CCNG1: variants seen among roughly 807,000 people sequenced by gnomAD.
The protein encoded by CCNG1 is cyclin-G1.
Under a neutral mutation model 30.0 loss-of-function variants are expected in CCNG1, and 13 were observed. The ratio of observed to expected loss-of-function variants is 0.43; its 90% confidence interval spans 0.28 to 0.69. CCNG1 has a LOEUF of 0.69. Among genes scored for constraint, CCNG1 ranks in the 30% least tolerant of loss-of-function variants. CCNG1 has a pLI of 0.16. For synonymous variants in CCNG1, 110 were observed against 121.5 expected (o/e 0.91, Z 0.62); for missense variants, 285 against 331.4 (o/e 0.86, Z 1.09).
At chr5:163,440,622 T>C (rs1425473492) in intron 2 of CCNG1, among the ~76,000 whole-genome samples, 1 of 152,142 alleles carries the variant, frequency 6.6e-6, no homozygotes, top group East Asian at 1.9e-4. Flanking sequence ...AAACAGTATA[T>C]GCCATAGTAT....
At chr5:163,454,495 C>G in the CCNG1 span, among the ~76,000 whole-genome samples, 1 of 152,134 alleles carries the variant, frequency 6.6e-6, no homozygotes, top group Non-Finnish European at 1.5e-5. Flanking sequence ...GCATGTACCA[C>G]CATGCCTGGC....
intron 3 of CCNG1, 200 bp downstream of exon 3, chr5:163,441,531 A>G (rs1404261771): frequency 1.8e-6 from 1 of 561,096 alleles, no homozygotes; most frequent in East Asian, 3.0e-5. Context: ...TCTTGGGATT[A>G]AAGTACATTT....
chr5:163,439,609 C>CTT, intron 2 of CCNG1, 89 bp downstream of exon 2: 17 of 1,051,740 alleles, frequency 1.6e-5, no homozygotes, highest in Non-Finnish European at 2.2e-5. Flanking sequence ...TAAACTTGAC[C>CTT]TTTTTTTTTT....
chr5:163,453,921 G>A, the CCNG1 span: 2 of 1,047,330 alleles, frequency 1.9e-6, no homozygotes, highest in Admixed American at 4.9e-5. Flanking sequence ...ATCTGATTAA[G>A]TTGGCAATAT....
In CCNG1 at chr5:163,443,981, A is replaced by G; in HGVS notation, c.*311A>G. ...ATCTAACTTTAGATATTGGATCAATATATTTAGGTGGTATTGAAAATGCTA... is the reference window on the plus strand; with the variant it reads ...ATCTAACTTTAGATATTGGATCAATGTATTTAGGTGGTATTGAAAATGCTA... On this transcript the variant is annotated 3_prime_UTR_variant, in exon 7 of 7. Coordinates refer to ENST00000340828, the MANE Select transcript of CCNG1 (RefSeq NM_004060.4). The G allele has an allele frequency of 2.6e-6, 1 of 384,732 alleles. No individual in the cohort carries two copies. Among genetic ancestry groups the G allele is most frequent in the Non-Finnish European group, 4.7e-6 (1 of 214,466 alleles). The allele number at this position is 384,732 out of a possible 1,614,324, so 23.8% of individuals were successfully genotyped here. A position where few individuals can be genotyped will look rare whatever the true frequency, so the allele number is the denominator to read the frequency against.
chr5:163,439,554 C>T, intron 2 of CCNG1, 34 bp downstream of exon 2: 2 of 1,584,744 alleles, frequency 1.3e-6, no homozygotes, highest in Non-Finnish European at 1.7e-6. Flanking sequence ...TAATTTTGCT[C>T]AGTGTGTTTT....
downstream of CCNG1, chr5:163,446,612 CAATT>C (rs934898347): frequency 1.3e-5 from 2 of 152,184 alleles, no homozygotes; most frequent in African/African-American, 4.8e-5. Context: ...TAACAACACT[CAATT>C]TATTTCTCTA....
Position 163,442,464 on chromosome 5 carries a change from C to G in CCNG1, c.787C>G (p.Gln263Glu), listed in dbSNP as rs913073977. ...SSNKCSKPNV[Q>E]KLKWIVSGRT... ...AAATAAGTGTTCCAAACCAAATGTT[C>G]AGAAGTTGAAATGGATTGTTTCTGG... Residue 263 changes from glutamine (Q) to glutamate (E), a missense_variant, in exon 6 of 7, where the codon CAG becomes GAG. By Grantham distance (29) the Gln-to-Glu change is conservative. Coordinates refer to ENST00000340828, the MANE Select transcript of CCNG1 (RefSeq NM_004060.4). 6.8e-6 allele frequency: 11 copies of G among 1,613,778 alleles called. No individual in the cohort carries two copies. The Admixed American group carries it at 1.8e-4, about 27-fold the overall frequency.
downstream of CCNG1, chr5:163,449,351 C>T (rs922265336): frequency 4.6e-5 from 7 of 152,118 alleles, no homozygotes; most frequent in African/African-American, 7.2e-5. Context: ...TACATACTAG[C>T]GATGTGCAAT....
the CCNG1 span, chr5:163,456,794 A>G: frequency 1.4e-6 from 1 of 709,360 alleles, no homozygotes; most frequent in Non-Finnish European, 2.1e-6. Flanking sequence ...CCATTTTTCT[A>G]ACAATTCACT....
Position 163,440,369 on chromosome 5 carries a change from G to A in CCNG1, c.265-709G>A, listed in dbSNP as rs985198810. Reference sequence around the variant, plus strand: ...TTCAGTCTTATGTGAGAATAAGATCGTTGCTCTTATGTACAAGTCATAATA... The same window carrying A: ...TTCAGTCTTATGTGAGAATAAGATCATTGCTCTTATGTACAAGTCATAATA... On this transcript the variant is annotated intron_variant, in intron 2 of 6. Coordinates refer to ENST00000340828, the MANE Select transcript of CCNG1 (RefSeq NM_004060.4). 3.9e-5 allele frequency among the ~76,000 whole-genome samples: 6 copies of A among 152,094 alleles called. No individual in the cohort carries two copies. The East Asian group carries it at 5.8e-4, about 15-fold the overall frequency.
In CCNG1 at chr5:163,444,636, A is replaced by G. The variant is rs1757981200; in HGVS notation, c.*966A>G. On this transcript the variant is annotated 3_prime_UTR_variant, in exon 7 of 7. Coordinates refer to ENST00000340828, the MANE Select transcript of CCNG1 (RefSeq NM_004060.4). ...TTAAGAAAAGCAAGTAGACACCTTC[A>G]TAACTATGAATGAAGCTGCTGAAGT... is the stretch of plus-strand genomic sequence containing the variant. The G allele has an allele frequency of 6.6e-6, 1 of 152,662 alleles. No homozygotes were observed. The highest frequency in any genetic ancestry group is 1.5e-5 in the Non-Finnish European group (1 of 68,044). 9.5% of individuals were successfully genotyped at this position (152,662 alleles called of 1,614,324 possible). A position where few individuals can be genotyped will look rare whatever the true frequency, so the allele number is the denominator to read the frequency against.
Position 163,439,465 on chromosome 5 carries a change from C to T in CCNG1, c.209C>T (p.Thr70Ile). 2 of 1,613,730 alleles carry T rather than the reference C, an allele frequency of 1.2e-6. No homozygotes were observed. The highest frequency in any genetic ancestry group is 1.7e-6 in the Non-Finnish European group (2 of 1,179,620). The change falls in exon 2 of 7, where the codon ACA becomes ATA. Residue 70 changes from threonine to isoleucine, a missense_variant. Coordinates refer to ENST00000340828, the MANE Select transcript of CCNG1 (RefSeq NM_004060.4). ...CTAACTCAGTTCTTTGGCTTTGACA[C>T]AGAGACATTTTCTCTAGCTGTGAAT... ...LSLTQFFGFD[T>I]ETFSLAVNLL...
At chr5:163,454,349 TA>T in the CCNG1 span, among the ~76,000 whole-genome samples, 1 of 152,318 alleles carries the variant, frequency 6.6e-6, no homozygotes, top group South Asian at 2.1e-4. Context: ...TATTTATTAT[TA>T]TTTTTTTTGA....
chr5:163,439,179 G>A (rs550507893), intron 1 of CCNG1, 78 bp from the exon 2 acceptor site: 3 of 1,258,632 alleles, frequency 2.4e-6, no homozygotes, highest in Admixed American at 4.3e-5. Context: ...ATCATTTCTT[G>A]GCCCAGTGCA....
chr5:163,442,716 T>G (rs1216620774), intron 6 of CCNG1, 148 bp downstream of exon 6: 3 of 637,526 alleles, frequency 4.7e-6, no homozygotes, highest in Non-Finnish European at 5.4e-6. Flanking sequence ...AGTCAGCTAA[T>G]ATTTGAAGGC....
At chr5:163,442,630 C>T (rs1347603243) in intron 6 of CCNG1, 62 bp downstream of exon 6, 1 of 1,278,708 alleles carries the variant, frequency 7.8e-7, no homozygotes, top group Admixed American at 2.2e-5. Flanking sequence ...TAATTTTCAA[C>T]TAAAGAAGAG....
Position 163,443,864 on chromosome 5 carries a change from G to A in CCNG1, c.*194G>A. 1.8e-6 allele frequency: 1 copy of A among 563,726 alleles called. No homozygotes were observed. Among genetic ancestry groups the A allele is most frequent in the Non-Finnish European group, 3.0e-6 (1 of 329,506 alleles). The allele number at this position is 563,726 out of a possible 1,614,324, so 34.9% of individuals were successfully genotyped here. ...ATTATGTTTAGATTTGAATTCATCTGTGAAGCATTCAAATCAAAGCTAAAA... is the reference window on the plus strand; with the variant it reads ...ATTATGTTTAGATTTGAATTCATCTATGAAGCATTCAAATCAAAGCTAAAA... On this transcript the variant is annotated 3_prime_UTR_variant, in exon 7 of 7. Coordinates refer to ENST00000340828, the MANE Select transcript of CCNG1 (RefSeq NM_004060.4).
At chr5:163,457,632 T>G in the CCNG1 span, 8 of 1,474,036 alleles carry the variant, frequency 5.4e-6, 1 homozygote, top group Admixed American at 1.2e-4. Context: ...ACATATAAGG[T>G]GCTAAAAATA....
Sources: allele counts gnomAD v4.1 joint callset (sites outside exome capture counted in the v4.1 genomes callset), GRCh38; gene constraint gnomAD v4.1.1; transcripts MANE v1.5; gene names NCBI Gene and HGNC (gene_info 2026-07-23, HGNC 2026-07-21).